Variants in MAGI2 observed in about 807,000 individuals in gnomAD.
The protein encoded by MAGI2 is membrane-associated guanylate kinase, WW and PDZ domain-containing protein 2.
Under a neutral mutation model 133.3 loss-of-function variants are expected in MAGI2, and 35 were observed. That is an observed-to-expected ratio of 0.26 (90% CI 0.20 to 0.35). The LOEUF (loss-of-function observed/expected upper bound fraction) is 0.35. MAGI2 is among the 10% of genes least tolerant of loss of function. The pLI is 1.00. For synonymous variants in MAGI2, 729 were observed against 710.6 expected, an observed-to-expected ratio of 1.03 and a Z score of -0.41; for missense variants, 1,636 against 1,863.4, an observed-to-expected ratio of 0.88 and a Z score of 2.25.
Position 78,596,962 on chromosome 7 carries a change from G to T in MAGI2, c.538+30158C>A, listed in dbSNP as rs113053223. 8.5e-4 allele frequency among the ~76,000 whole-genome samples: 130 copies of T among 152,240 alleles called. 2 individuals carry two copies. The highest frequency in any genetic ancestry group is 3.0e-3 in the African/African-American group (125 of 41,550). On this transcript the variant is annotated intron_variant, in intron 3 of 21. Transcript: ENST00000354212. ...CCTATTTTAATCTATGTGGCAGGCA[G>T]ATCTGAGTGAATACAGGTGTGTTGC...
intron 2 of MAGI2, among the ~76,000 whole-genome samples, chr7:78,955,795 T>C (rs1802329791): frequency 6.6e-6 from 1 of 150,956 alleles, no homozygotes; most frequent in Non-Finnish European, 1.5e-5. Flanking sequence ...CTTTCATTTC[T>C]TTCGTTCATT....
chr7:78,382,276 G>A (rs1401855145), intron 6 of MAGI2, among the ~76,000 whole-genome samples: 1 of 151,958 alleles, frequency 6.6e-6, no homozygotes, highest in Non-Finnish European at 1.5e-5. Context: ...AGACGAGTGG[G>A]AGAGATCAGA....
intron 4 of MAGI2, among the ~76,000 whole-genome samples, chr7:78,503,739 T>A (rs1340368254): frequency 7.0e-6 from 1 of 142,350 alleles, no homozygotes; most frequent in Non-Finnish European, 1.5e-5. Flanking sequence ...CTCCTCATCA[T>A]CTCAGAAGTA....
At chr7:78,487,382 A>T (rs1230141291) in intron 6 of MAGI2, 1 of 155,708 alleles carries the variant, frequency 6.4e-6, no homozygotes, top group African/African-American at 2.4e-5. Flanking sequence ...CATCAATAAA[A>T]CCTGCTTCCT....
At chr7:79,395,789 T>G (rs895940314) in intron 1 of MAGI2, among the ~76,000 whole-genome samples, 4 of 152,170 alleles carry the variant, frequency 2.6e-5, no homozygotes, top group African/African-American at 4.8e-5. Context: ...TTGTTTCATG[T>G]ATATGTTTGT....
chr7:78,073,000 C>T (rs1814874318), intron 21 of MAGI2: 6 of 398,462 alleles, frequency 1.5e-5, no homozygotes, highest in Non-Finnish European at 2.7e-5. Context: ...ATGACCATTA[C>T]TTATTGCTAT....
chr7:78,587,474 C>T (rs1346310429), intron 3 of MAGI2, among the ~76,000 whole-genome samples: 2 of 152,070 alleles, frequency 1.3e-5, no homozygotes, highest in Non-Finnish European at 2.9e-5. Context: ...TTCATTTTGT[C>T]CTATTTGTCT....
rs138448270 is a variant in MAGI2, at chr7:79,330,631, A to G, written c.301+122389T>C. ...TAGTTACATGTATGGGTCTTGAGTC[A>G]AGGTTTTACATTACACTCTTTATTT... is the stretch of plus-strand genomic sequence containing the variant. On this transcript the variant is annotated intron_variant, in intron 1 of 21. Transcript: ENST00000354212. Among the ~76,000 whole-genome samples the G allele has an allele frequency of 1.6e-3, 244 of 152,140 alleles. 1 individual carries two copies. The highest frequency in any genetic ancestry group is 5.4e-3 in the African/African-American group (223 of 41,500).
At chr7:78,777,488 C>T (rs1399614917) in intron 2 of MAGI2, among the ~76,000 whole-genome samples, 1 of 152,138 alleles carries the variant, frequency 6.6e-6, no homozygotes, top group East Asian at 1.9e-4. Context: ...TCATCATCAC[C>T]ACCATCGTCA....
chr7:78,716,151 G>T (rs1005998538), intron 2 of MAGI2, among the ~76,000 whole-genome samples: 10 of 152,176 alleles, frequency 6.6e-5, no homozygotes, highest in Non-Finnish European at 8.8e-5. Flanking sequence ...AAGATTTACT[G>T]AAGTTTTCAA....
intron 2 of MAGI2, among the ~76,000 whole-genome samples, chr7:78,821,413 A>G (rs1202149538): frequency 6.6e-6 from 1 of 152,006 alleles, no homozygotes; most frequent in African/African-American, 2.4e-5. Context: ...GTTGATAAGT[A>G]TGGGAACAAA....
chr7:78,866,461 C>G (rs988656747), intron 2 of MAGI2, among the ~76,000 whole-genome samples: 2 of 152,132 alleles, frequency 1.3e-5, no homozygotes, highest in Admixed American at 1.3e-4. Context: ...TATTTCTTCT[C>G]TCATGTGAAA....
chr7:79,029,663 GTTAA>G (rs1373220858), intron 1 of MAGI2, among the ~76,000 whole-genome samples: 2 of 152,136 alleles, frequency 1.3e-5, no homozygotes, highest in East Asian at 3.9e-4. Flanking sequence ...TTCACTCAGT[GTTAA>G]TTAACTATAA....
intron 6 of MAGI2, among the ~76,000 whole-genome samples, chr7:78,460,897 C>T (rs548174470): frequency 6.6e-6 from 1 of 152,176 alleles, no homozygotes; most frequent in East Asian, 1.9e-4. Context: ...TTCAACCTCT[C>T]AGACAGGGTG....
chr7:79,436,179 C>T (rs539620328), intron 1 of MAGI2, among the ~76,000 whole-genome samples: 4 of 147,654 alleles, frequency 2.7e-5, no homozygotes, highest in South Asian at 2.1e-4. Flanking sequence ...GAGCCGAGAT[C>T]GTGCCACTAC....
At chr7:78,503,048 A>C (rs1794759077) in intron 4 of MAGI2, among the ~76,000 whole-genome samples, 1 of 152,192 alleles carries the variant, frequency 6.6e-6, no homozygotes, top group African/African-American at 2.4e-5. Flanking sequence ...AACAGATATG[A>C]TTACTTACAA....
intron 2 of MAGI2, among the ~76,000 whole-genome samples, chr7:78,882,895 A>G (rs779280393): frequency 2.0e-4 from 30 of 152,158 alleles, no homozygotes; most frequent in Non-Finnish European, 2.9e-4. Context: ...ACACACAGCC[A>G]ACATCATACT....
chr7:78,217,255 T>C (rs10808146), intron 10 of MAGI2, among the ~76,000 whole-genome samples: 105,220 of 152,038 alleles, frequency 0.69, 36,634 homozygotes, highest in Admixed American at 0.74. Flanking sequence ...CCAAAGTTTT[T>C]GCATCTGTTA....
intron 1 of MAGI2, among the ~76,000 whole-genome samples, chr7:79,055,729 A>G (rs1045421647): frequency 2.6e-5 from 4 of 152,218 alleles, no homozygotes; most frequent in African/African-American, 9.6e-5. Context: ...GCATGCAACT[A>G]TGAACTTAGA....
Sources: allele counts gnomAD v4.1 joint callset (sites outside exome capture counted in the v4.1 genomes callset), GRCh38; gene constraint gnomAD v4.1.1; transcripts MANE v1.5; gene names NCBI Gene and HGNC (gene_info 2026-07-23, HGNC 2026-07-21).